Variants in KY observed in about 807,000 individuals in gnomAD.
KY encodes the protein kyphoscoliosis peptidase.
KY carries 43 observed loss-of-function variants against 76.1 expected under a neutral mutation model. The observed-to-expected ratio is 0.57, with a 90% CI of 0.44 to 0.73. KY has a LOEUF of 0.73. Among genes scored for constraint, KY ranks in the 30% least tolerant of loss-of-function variants. The pLI is 0.00. For synonymous variants in KY, 277 were observed against 326.2 expected (o/e 0.85, Z 1.63); for missense variants, 722 against 828.9 (o/e 0.87, Z 1.58).
At chr3:134,625,705 C>T (rs1483598369) in intron 5 of KY, among the ~76,000 whole-genome samples, 1 of 152,236 alleles carries the variant, frequency 6.6e-6, no homozygotes, top group Non-Finnish European at 1.5e-5. Context: ...GACAGGCTTC[C>T]TCCTTTGCCC....
At chr3:134,611,371 C>A (rs1534029) in intron 8 of KY, among the ~76,000 whole-genome samples, 1 of 151,986 alleles carries the variant, frequency 6.6e-6, no homozygotes, top group African/African-American at 2.4e-5. Flanking sequence ...AAAGCAAGAC[C>A]CCTGGGTGTC....
At chr3:134,625,883 A>G (rs1963379067) in intron 5 of KY, among the ~76,000 whole-genome samples, 2 of 152,382 alleles carry the variant, frequency 1.3e-5, no homozygotes, top group South Asian at 4.1e-4. Context: ...ACAGAGATAC[A>G]GGAAGGAGAG....
chr3:134,646,881 C>T (rs1199663749), intron 2 of KY, among the ~76,000 whole-genome samples: 2 of 152,126 alleles, frequency 1.3e-5, no homozygotes, highest in Admixed American at 6.5e-5. Context: ...TAGAATAAAG[C>T]CCATTATACT....
Position 134,608,503 on chromosome 3 carries a change from A to T in KY, c.1090+146T>A, listed in dbSNP as rs562485729. ...GCCTCAGCAGCCTCCACTCATCCAC[A>T]TGCACACACAAGCTTTGTGCTAAGC... On this transcript the variant is annotated intron_variant, in intron 10 of 10. Coordinates refer to ENST00000423778, the MANE Select transcript of KY (RefSeq NM_178554.6). The T allele has an allele frequency of 1.5e-5, 23 of 1,559,946 alleles. No individual in the cohort carries two copies. The East Asian group carries it at 4.9e-4, about 33-fold the overall frequency.
intron 10 of KY, chr3:134,607,139 C>A (rs79169894): frequency 1.0e-6 from 1 of 985,432 alleles, no homozygotes; most frequent in Non-Finnish European, 1.2e-6. Flanking sequence ...CAGTTCTTTC[C>A]GATATTTCCA....
At chr3:134,606,506 C>T (rs140236858) in intron 10 of KY, among the ~76,000 whole-genome samples, 2 of 152,226 alleles carry the variant, frequency 1.3e-5, no homozygotes, top group Non-Finnish European at 2.9e-5. Context: ...CCCACCCGGA[C>T]CCCTCAGCTG....
rs772826632 is a variant in KY at position 134,601,476 on chromosome 3, CTTAT to C, written c.*2099_*2102del. Among the ~76,000 whole-genome samples the C allele has an allele frequency of 3.3e-5, 5 of 152,226 alleles. No homozygotes were observed. The highest frequency in any genetic ancestry group is 4.8e-5 in the African/African-American group (2 of 41,460). ...TGAGTGACATGCGTCATCGAAGGCA[CTTAT>C]TGTTTTGATGAAACAAACACATTTC... On this transcript the variant is annotated 3_prime_UTR_variant, in exon 11 of 11. Transcript: ENST00000423778.
At chr3:134,641,517 A>T (rs1037007424) in intron 3 of KY, among the ~76,000 whole-genome samples, 2 of 152,186 alleles carry the variant, frequency 1.3e-5, no homozygotes, top group Non-Finnish European at 2.9e-5. Context: ...CTCTAGCAGC[A>T]GGAAGAGGCA....
At chr3:134,604,884 C>T (rs1179338152) in intron 10 of KY, among the ~76,000 whole-genome samples, 2 of 152,190 alleles carry the variant, frequency 1.3e-5, no homozygotes, top group African/African-American at 4.8e-5. Flanking sequence ...TTGCACCTTG[C>T]TCCCTGTAGC....
At chr3:134,639,486 A>G (rs1965438304) in intron 3 of KY, among the ~76,000 whole-genome samples, 1 of 152,140 alleles carries the variant, frequency 6.6e-6, no homozygotes, top group South Asian at 2.1e-4. Context: ...ACCATTCATG[A>G]TTCCTTCTAT....
At chr3:134,633,631 G>C (rs975176352) in intron 3 of KY, among the ~76,000 whole-genome samples, 1 of 151,996 alleles carries the variant, frequency 6.6e-6, no homozygotes, top group Non-Finnish European at 1.5e-5. Flanking sequence ...CCTACAAAAA[G>C]CATACAGCTA....
rs373172556 is a variant in KY at position 134,650,851 on chromosome 3, G to C, written c.110C>G (p.Pro37Arg). Residue 37 changes from proline to arginine, a missense_variant, in exon 1 of 11, where the codon CCG becomes CGG. Coordinates refer to ENST00000423778, the MANE Select transcript of KY (RefSeq NM_178554.6). ...QGTLSDQQAN[P>R]SSLLQRGGGF... ...TCCTCCGCGCTGCAGCAGCGAGCTCGGGTTCGCCTGCTGGTCTGAGAGCGT... is the reference window on the plus strand; with the variant it reads ...TCCTCCGCGCTGCAGCAGCGAGCTCCGGTTCGCCTGCTGGTCTGAGAGCGT... 1.9e-6 allele frequency: 3 copies of C among 1,607,102 alleles called. No individual in the cohort carries two copies. The highest frequency in any genetic ancestry group is 1.3e-5 in the African/African-American group (1 of 74,518).
chr3:134,638,482 CCT>C (rs1448897642), intron 3 of KY, among the ~76,000 whole-genome samples: 1 of 152,172 alleles, frequency 6.6e-6, no homozygotes, highest in African/African-American at 2.4e-5. Context: ...GCCTGGCTGG[CCT>C]CTCTCATGCA....
Position 134,603,364 on chromosome 3 carries a change from A to T in KY, c.*215T>A. On this transcript the variant is annotated 3_prime_UTR_variant, in exon 11 of 11. Transcript: ENST00000423778. ...TAGCACCTTTTCCTTCTAAAGAGCC[A>T]CTGCCTCTGCCCCCTCAGTCACAGC... 1.0e-5 allele frequency: 5 copies of T among 487,384 alleles called. No individual in the cohort carries two copies. Among genetic ancestry groups the T allele is most frequent in the Non-Finnish European group, 1.8e-5 (5 of 277,082 alleles). 30.2% of individuals were successfully genotyped at this position (487,384 alleles called of 1,614,324 possible).
chr3:134,604,301 A>G lies in KY; in HGVS notation c.1264T>C (p.Ser422Pro). 1 of 1,613,924 alleles carries G rather than the reference A, an allele frequency of 6.2e-7. No homozygotes were observed. Among genetic ancestry groups the G allele is most frequent in the Non-Finnish European group, 8.5e-7 (1 of 1,179,874 alleles). The change falls in exon 11 of 11, where the codon TCC (serine) becomes CCC (proline). Residue 422 changes from serine to proline, a missense_variant. Physicochemically the swap from Ser to Pro is moderately conservative, Grantham distance 74. This residue lies in a region of KY where 552 missense variants were observed against 680.9 expected (regional missense o/e 0.81). Coordinates refer to ENST00000423778, the MANE Select transcript of KY (RefSeq NM_178554.6). Reference protein sequence around the residue: ...HKLQIFAKGNSDIYSSVLEYT... With the variant: ...HKLQIFAKGNPDIYSSVLEYT... ...TCCAGCACTGAGCTGTAGATGTCGG[A>G]GTTGCCCTTGGCAAAGATCTGCAGC...
chr3:134,627,947 G>T (rs1292470640), intron 4 of KY, 129 bp from the exon 5 acceptor site: 6 of 720,420 alleles, frequency 8.3e-6, no homozygotes, highest in Non-Finnish European at 1.5e-5. Context: ...CAGTCTCCTT[G>T]TTCCCACCCC....
At chr3:134,627,701 G>A (rs746646256) in intron 5 of KY, 55 bp downstream of exon 5, 111 of 1,504,296 alleles carry the variant, frequency 7.4e-5, no homozygotes, top group Non-Finnish European at 1.0e-4. Flanking sequence ...ATTAGTCTAT[G>A]AGGCTAAACC....
chr3:134,608,084 C>T lies in KY; in HGVS notation c.1090+565G>A, dbSNP rs746918218. The stretch of plus-strand genomic sequence containing the variant: ...CTGTCTTGGGTGGGACTGCCCCCAC[C>T]TGTCCTGGGAGACCCATGTTGCTCC... On this transcript the variant is annotated intron_variant, in intron 10 of 10. Coordinates refer to ENST00000423778, the MANE Select transcript of KY (RefSeq NM_178554.6). 1.3e-4 allele frequency: 142 copies of T among 1,109,534 alleles called. 2 individuals are homozygous for T. Among genetic ancestry groups the T allele is most frequent in the South Asian group, 1.9e-4 (8 of 42,732 alleles). 68.7% of individuals were successfully genotyped at this position (1,109,534 alleles called of 1,614,324 possible). A position where few individuals can be genotyped will look rare whatever the true frequency, so the allele number is the denominator to read the frequency against.
chr3:134,643,987 G>A (rs1270698434), intron 2 of KY, among the ~76,000 whole-genome samples: 1 of 152,086 alleles, frequency 6.6e-6, no homozygotes, highest in African/African-American at 2.4e-5. Context: ...CCACCACACT[G>A]GCTAATTTTT....
Sources: gnomAD v4.1 joint callset for allele counts (sites outside exome capture counted in the v4.1 genomes callset) on GRCh38, gnomAD v4.1.1 for gene constraint, gnomAD v4.1.1 regional missense constraint, MANE v1.5 for transcripts, NCBI Gene and HGNC (gene_info 2026-07-23, HGNC 2026-07-21) for gene names.